Variants in AP1G1 observed in about 807,000 individuals in gnomAD.
The protein encoded by AP1G1 is adaptor related protein complex 1 subunit gamma 1.
A neutral mutation model predicts 108.3 loss-of-function variants in AP1G1; 7 were observed. The ratio of observed to expected loss-of-function variants is 0.06; its 90% CI spans 0.04 to 0.12. The LOEUF (loss-of-function observed/expected upper bound fraction) is 0.12, where lower values mean the gene tolerates loss of function less well. AP1G1 is among the 10% of genes least tolerant of loss of function. The pLI is 1.00. For synonymous variants in AP1G1, 379 were observed against 353.5 expected (o/e 1.07, Z -0.81); for missense variants, 756 against 1,010.7 (o/e 0.75, Z 3.42).
intron 19 of AP1G1, chr16:71,743,329 G>A (rs1403922997): frequency 6.6e-6 from 1 of 152,178 alleles, no homozygotes; most frequent in East Asian, 1.9e-4. Flanking sequence ...GTGGGAATGA[G>A]CTTAGCTAAC....
Position 71,754,004 on chromosome 16 carries a change from C to T in AP1G1, c.1230-117G>A, listed in dbSNP as rs2030640157. 3.2e-6 allele frequency: 3 copies of T among 931,518 alleles called. No homozygotes were observed. In the South Asian group the frequency reaches 4.3e-5, roughly 13 times the overall value. 57.7% of individuals were successfully genotyped at this position (931,518 alleles called of 1,614,324 possible). A position where few individuals can be genotyped will look rare whatever the true frequency, so the allele number is the denominator to read the frequency against. ...CCTGTCATCCCAACATCTTGGGAGGCCGAGGTGGGAGATCACCTGAGCTCA... is the reference window on the plus strand; with the variant it reads ...CCTGTCATCCCAACATCTTGGGAGGTCGAGGTGGGAGATCACCTGAGCTCA... On this transcript the variant is annotated intron_variant, in intron 12 of 22. Transcript: ENST00000299980.
In AP1G1 at chr16:71,765,468, A is replaced by G. The variant is rs146548183; in HGVS notation, c.738+21T>C. 8.8e-4 allele frequency: 1,355 copies of G among 1,542,374 alleles called. 10 individuals carry two copies. The African/African-American group carries it at 0.015, about 17-fold the overall frequency. ...TATTAAATTCATATAACATTTATTT[A>G]AAACGTTCTTTCAACCTCACCTGCA... On this transcript the variant is annotated intron_variant, in intron 7 of 22. Transcript: ENST00000299980.
At position 71,789,260 on chromosome 16, in the gene AP1G1, T is replaced by C. The variant is rs375700428; in HGVS notation, c.201+19A>G. 9.3e-6 allele frequency: 15 copies of C among 1,605,810 alleles called. No individual in the cohort carries two copies. The African/African-American group carries it at 2.0e-4, about 21-fold the overall frequency. ...TGTCAAAGAATACCCTTGCTACATG[T>C]AGTCTCAGCCCAGCCTACCTGTCCA... On this transcript the variant is annotated intron_variant, in intron 2 of 22. Coordinates refer to ENST00000299980, the MANE Select transcript of AP1G1 (RefSeq NM_001128.6).
Position 71,758,928 on chromosome 16 carries a change from G to A in AP1G1, c.975-7C>T. ...AGATGTCAGAGCCACATATCTGGAT[G>A]AAACAGTTGCAAAATAACAGAGTTA... On this transcript the variant is annotated splice_polypyrimidine_tract_variant and splice_region_variant and intron_variant, in intron 10 of 22. Coordinates refer to ENST00000299980, the MANE Select transcript of AP1G1 (RefSeq NM_001128.6). 6.6e-7 allele frequency: 1 copy of A among 1,507,170 alleles called. No individual in the cohort carries two copies. The allele number at this position is 1,507,170 out of a possible 1,614,324, so 93.4% of individuals were successfully genotyped here.
In AP1G1 at chr16:71,804,298, G is replaced by A. The variant is rs139552238; in HGVS notation, c.-4+4465C>T. On this transcript the variant is annotated intron_variant, in intron 1 of 22. Transcript: ENST00000299980. ...CCTGACCTCGTGATCCACCCGCCTC[G>A]GCCTCCCAAAGTGCTGGGATTACAG... 1.7e-4 allele frequency among the ~76,000 whole-genome samples: 26 copies of A among 151,942 alleles called. No individual in the cohort carries two copies. The East Asian group carries it at 3.3e-3, about 19-fold the overall frequency.
intron 22 of AP1G1, among the ~76,000 whole-genome samples, chr16:71,733,986 G>A (rs1234942357): frequency 6.6e-6 from 1 of 152,148 alleles, no homozygotes; most frequent in Non-Finnish European, 1.5e-5. Context: ...GTTTGTGCTT[G>A]TACTATAGAG....
chr16:71,767,863 G>C, intron 6 of AP1G1: 1 of 1,598,678 alleles, frequency 6.3e-7, no homozygotes. Context: ...ATCTAAAAGA[G>C]GGTTAATTCT....
chr16:71,774,327 G>A (rs952422627), intron 3 of AP1G1, 141 bp downstream of exon 3: 331 of 793,466 alleles, frequency 4.2e-4, no homozygotes, highest in Non-Finnish European at 5.3e-4. Flanking sequence ...GGAGGACGGT[G>A]GCAGCGGAGG....
chr16:71,758,982 C>A, intron 10 of AP1G1, 61 bp from the exon 11 acceptor site: 1 of 922,460 alleles, frequency 1.1e-6, no homozygotes, highest in Non-Finnish European at 1.7e-6. Flanking sequence ...AGTTTTTCTC[C>A]GTTTAAATAA....
At chr16:71,786,047 G>A (rs935402706) in intron 2 of AP1G1, among the ~76,000 whole-genome samples, 2 of 152,126 alleles carry the variant, frequency 1.3e-5, no homozygotes, top group Non-Finnish European at 2.9e-5. Flanking sequence ...GTGACTCATT[G>A]AAACAGAGGA....
At chr16:71,785,876 C>T (rs2145516956) in intron 2 of AP1G1, among the ~76,000 whole-genome samples, 1 of 151,728 alleles carries the variant, frequency 6.6e-6, no homozygotes, top group South Asian at 2.1e-4. Flanking sequence ...GGCGAGACTC[C>T]ATCTCAAAGA....
chr16:71,733,172 A>G lies in AP1G1; in HGVS notation c.2368-13T>C, dbSNP rs749801429. 7 of 1,597,046 alleles carry G rather than the reference A, an allele frequency of 4.4e-6. No homozygotes were observed. The highest frequency in any genetic ancestry group is 6.0e-6 in the Non-Finnish European group (7 of 1,164,828). On this transcript the variant is annotated splice_polypyrimidine_tract_variant and intron_variant, in intron 22 of 22. Transcript: ENST00000299980. ...TTCGCAGCTGTTGCTATAAGAGGAA[A>G]AGAGAAGTGCAAATTATATACTGAA... is the stretch of plus-strand genomic sequence containing the variant.
chr16:71,764,408 G>T lies in AP1G1; in HGVS notation c.860C>A (p.Ala287Asp). 1 of 1,610,962 alleles carries T rather than the reference G, an allele frequency of 6.2e-7. No individual in the cohort carries two copies. Among genetic ancestry groups the T allele is most frequent in the Non-Finnish European group, 8.5e-7 (1 of 1,178,450 alleles). Residue 287 changes from alanine (A) to aspartate (D), a missense_variant, in exon 9 of 23, where the codon GCT (alanine) becomes GAT (aspartate). Coordinates refer to ENST00000299980, the MANE Select transcript of AP1G1 (RefSeq NM_001128.6). Reference protein sequence around the residue: ...NTETSKNVGNAILYETVLTIM... With the variant: ...NTETSKNVGNDILYETVLTIM... Reference sequence around the variant, plus strand: ...AGTCAAAACCGTTTCATAAAGAATAGCATTTCCTACATTTTTACTAGTCTC... The same window carrying T: ...AGTCAAAACCGTTTCATAAAGAATATCATTTCCTACATTTTTACTAGTCTC...
intron 10 of AP1G1, 151 bp from the exon 11 acceptor site, chr16:71,759,072 T>C (rs1159456915): frequency 1.7e-6 from 1 of 598,178 alleles, no homozygotes; most frequent in Non-Finnish European, 2.9e-6. Flanking sequence ...AAAGTAACAT[T>C]TCAAAGGTAT....
chr16:71,797,312 A>G (rs1318295686), intron 1 of AP1G1, among the ~76,000 whole-genome samples: 1 of 152,136 alleles, frequency 6.6e-6, no homozygotes. Context: ...TAACTTCTAT[A>G]TATAGTCTGC....
intron 21 of AP1G1, among the ~76,000 whole-genome samples, chr16:71,738,105 T>C (rs2045572408): frequency 6.6e-6 from 1 of 152,256 alleles, no homozygotes; most frequent in African/African-American, 2.4e-5. Context: ...TGGAGTGCAG[T>C]GGCATAATCT....
chr16:71,770,770 G>A (rs930124900), intron 5 of AP1G1, among the ~76,000 whole-genome samples: 2 of 152,086 alleles, frequency 1.3e-5, no homozygotes, highest in Non-Finnish European at 2.9e-5. Context: ...ACGCCCAGCC[G>A]CACAAATCTT....
At chr16:71,770,326 A>G (rs544583212) in intron 5 of AP1G1, among the ~76,000 whole-genome samples, 3 of 152,346 alleles carry the variant, frequency 2.0e-5, no homozygotes, top group Admixed American at 1.3e-4. Context: ...TTTAAGCCAC[A>G]TGAATTTTCT....
At chr16:71,764,946 A>C (rs1405402984) in intron 7 of AP1G1, among the ~76,000 whole-genome samples, 1 of 152,210 alleles carries the variant, frequency 6.6e-6, no homozygotes, top group Non-Finnish European at 1.5e-5. Flanking sequence ...TTATAAAACA[A>C]CCCACACTTC....
Sources: gnomAD v4.1 joint callset for allele counts (sites outside exome capture counted in the v4.1 genomes callset) on GRCh38, gnomAD v4.1.1 for gene constraint, MANE v1.5 for transcripts, NCBI Gene and HGNC (gene_info 2026-07-23, HGNC 2026-07-21) for gene names.